Variants in NUBPL observed in about 807,000 individuals in gnomAD.
NUBPL encodes iron-sulfur cluster transfer protein NUBPL.
A neutral mutation model predicts 45.7 loss-of-function variants in NUBPL; 31 were observed. The ratio of observed to expected loss-of-function variants is 0.68; its 90% CI spans 0.51 to 0.92. The LOEUF is 0.92. Among genes scored for constraint, NUBPL ranks in the 40% least tolerant of loss-of-function variants. The pLI is 0.00. For missense variants in NUBPL, 401 were observed against 398.7 expected (o/e 1.01, Z -0.05); for synonymous variants, 144 against 140.9 (o/e 1.02, Z -0.15).
At chr14:31,769,392 T>A (rs541125918) in intron 6 of NUBPL, among the ~76,000 whole-genome samples, 12 of 152,282 alleles carry the variant, frequency 7.9e-5, no homozygotes, top group African/African-American at 2.6e-4. Context: ...GGGGGGACAA[T>A]CTTCTCAACA....
intron 10 of NUBPL, among the ~76,000 whole-genome samples, chr14:31,856,617 G>A (rs566999101): frequency 9.8e-5 from 15 of 152,318 alleles, no homozygotes; most frequent in African/African-American, 3.1e-4. Flanking sequence ...ATACAGTGGG[G>A]GTACAGGCAT....
At chr14:31,767,561 T>C (rs182543269) in intron 6 of NUBPL, among the ~76,000 whole-genome samples, 2 of 152,284 alleles carry the variant, frequency 1.3e-5, no homozygotes, top group African/African-American at 2.4e-5. Context: ...AGCAAAGCAG[T>C]ATCCCCACAA....
intron 6 of NUBPL, among the ~76,000 whole-genome samples, chr14:31,774,906 A>T (rs946457732): frequency 6.6e-6 from 1 of 152,168 alleles, no homozygotes; most frequent in Non-Finnish European, 1.5e-5. Flanking sequence ...ACCAGTCCTC[A>T]TCTTGAGGCT....
chr14:31,631,922 T>G (rs1170074516), intron 4 of NUBPL, among the ~76,000 whole-genome samples: 1 of 152,128 alleles, frequency 6.6e-6, no homozygotes, highest in Non-Finnish European at 1.5e-5. Context: ...AATTTATGGG[T>G]ATACGGTGGC....
intron 6 of NUBPL, among the ~76,000 whole-genome samples, chr14:31,783,394 T>C (rs2039227154): frequency 6.6e-6 from 1 of 152,130 alleles, no homozygotes; most frequent in Non-Finnish European, 1.5e-5. Flanking sequence ...AAGCCTACTA[T>C]GTGTGATGAA....
At chr14:31,705,359 G>A (rs934800904) in intron 6 of NUBPL, among the ~76,000 whole-genome samples, 7 of 152,202 alleles carry the variant, frequency 4.6e-5, no homozygotes, top group African/African-American at 1.2e-4. Context: ...CGAGCGGGTC[G>A]CCGGCTGCTG....
chr14:31,837,367 G>C (rs897456871), intron 8 of NUBPL, among the ~76,000 whole-genome samples: 1 of 151,990 alleles, frequency 6.6e-6, no homozygotes, highest in Non-Finnish European at 1.5e-5. Flanking sequence ...CACAGAACCT[G>C]ACAAAATATT....
intron 3 of NUBPL, among the ~76,000 whole-genome samples, chr14:31,574,333 C>T (rs192009459): frequency 2.6e-5 from 4 of 151,044 alleles, no homozygotes; most frequent in South Asian, 2.1e-4. Flanking sequence ...GGTACGATCT[C>T]GGCTCACTGT....
chr14:31,859,470 A>G lies in NUBPL; in HGVS notation c.*290A>G. On this transcript the variant is annotated 3_prime_UTR_variant, in exon 11 of 11. Transcript: ENST00000281081. ...AGAAATCACGAGTTTATGATGTTAC[A>G]AGTCCATTTTGGGAGAGAACTGTAC... is the stretch of plus-strand genomic sequence containing the variant. The G allele has an allele frequency of 2.4e-6, 1 of 416,182 alleles. No homozygotes were observed. The highest frequency in any genetic ancestry group is 2.2e-5 in the South Asian group (1 of 45,278). The allele number at this position is 416,182 out of a possible 1,614,324, so 25.8% of individuals were successfully genotyped here.
At chr14:31,854,626 AATT>A (rs2040589229) in intron 10 of NUBPL, among the ~76,000 whole-genome samples, 2 of 152,166 alleles carry the variant, frequency 1.3e-5, no homozygotes, top group Non-Finnish European at 1.5e-5. Flanking sequence ...AGCTAGATAT[AATT>A]ATTATAACCA....
At chr14:31,842,088 G>A (rs1378621872) in intron 8 of NUBPL, among the ~76,000 whole-genome samples, 5 of 151,046 alleles carry the variant, frequency 3.3e-5, no homozygotes, top group South Asian at 2.1e-4. Context: ...CCGCCACCAC[G>A]CCCAGCTAAT....
At chr14:31,659,341 T>C (rs1210908868) in intron 4 of NUBPL, among the ~76,000 whole-genome samples, 2 of 152,170 alleles carry the variant, frequency 1.3e-5, no homozygotes, top group Non-Finnish European at 2.9e-5. Flanking sequence ...AAATACCAAC[T>C]GACTACCTGG....
chr14:31,800,589 A>AGGTTTGT (rs2039568425), intron 7 of NUBPL, among the ~76,000 whole-genome samples: 1 of 152,214 alleles, frequency 6.6e-6, no homozygotes, highest in Non-Finnish European at 1.5e-5. Flanking sequence ...TTCAATTTGT[A>AGGTTTGT]AAAAATGCAG....
chr14:31,791,378 G>A (rs1167435486), intron 7 of NUBPL, among the ~76,000 whole-genome samples: 1 of 152,082 alleles, frequency 6.6e-6, no homozygotes, highest in Non-Finnish European at 1.5e-5. Context: ...CATATGCAAG[G>A]TAAATGCCTA....
chr14:31,609,072 GTCTT>G, intron 4 of NUBPL, among the ~76,000 whole-genome samples: 1 of 152,170 alleles, frequency 6.6e-6, no homozygotes, highest in African/African-American at 2.4e-5. Context: ...GCAGGAATAA[GTCTT>G]TATTTATTAG....
rs1057304133 is a variant in NUBPL, at chr14:31,636,816, T to C, written c.383-36539T>C. On this transcript the variant is annotated intron_variant, in intron 4 of 10. Transcript: ENST00000281081. ...ATTCAACTTCTTCCTGGTTTAGTCT[T>C]GGGAGAGTGTATGTGTCGAGGAATT... is the stretch of plus-strand genomic sequence containing the variant. Among the ~76,000 whole-genome samples, 5 of 152,328 alleles carry C rather than the reference T, an allele frequency of 3.3e-5. No individual in the cohort carries two copies. The East Asian group carries it at 9.6e-4, about 29-fold the overall frequency.
At chr14:31,656,042 T>C (rs2036133258) in intron 4 of NUBPL, among the ~76,000 whole-genome samples, 1 of 152,250 alleles carries the variant, frequency 6.6e-6, no homozygotes, top group Non-Finnish European at 1.5e-5. Context: ...CTACACCTTC[T>C]ACATCAGCAC....
chr14:31,789,917 G>A (rs1158458409), intron 7 of NUBPL, among the ~76,000 whole-genome samples: 1 of 111,660 alleles, frequency 9.0e-6, no homozygotes, highest in Admixed American at 9.0e-5. Flanking sequence ...TTTTTTTTTT[G>A]TCTTTTTCCT....
intron 6 of NUBPL, among the ~76,000 whole-genome samples, chr14:31,677,140 T>TG (rs772660977): frequency 2.6e-5 from 4 of 152,174 alleles, no homozygotes; most frequent in Non-Finnish European, 5.9e-5. Context: ...TCAGAGTAAA[T>TG]GGGGTGTTCA....
Sources: gnomAD v4.1 joint callset for allele counts (sites outside exome capture counted in the v4.1 genomes callset) on GRCh38, gnomAD v4.1.1 for gene constraint, MANE v1.5 for transcripts, NCBI Gene and HGNC (gene_info 2026-07-23, HGNC 2026-07-21) for gene names.